The following OSBPL6 variants were observed in gnomAD, a reference collection of about 807,000 sequenced individuals.
OSBPL6 encodes oxysterol-binding protein-related protein 6.
In OSBPL6, 49 loss-of-function variants were observed where a neutral mutation model predicts 125.8. That is an observed-to-expected ratio of 0.39 (90% CI 0.31 to 0.49). The LOEUF is 0.49. Among genes scored for constraint, OSBPL6 ranks in the 20% least tolerant of loss-of-function variants. The pLI is 0.88. For synonymous variants in OSBPL6, 394 were observed against 391.8 expected, an observed-to-expected ratio of 1.01 and a Z score of -0.07; for missense variants, 986 against 1,135.4, an observed-to-expected ratio of 0.87 and a Z score of 1.89.
chr2:178,387,226 T>C, intron 20 of OSBPL6, 87 bp downstream of exon 20: 1 of 1,036,876 alleles, frequency 9.6e-7, no homozygotes, highest in African/African-American at 1.6e-5. Flanking sequence ...ATGGTAAGGG[T>C]TTCTTTCTCT....
intron 1 of OSBPL6, among the ~76,000 whole-genome samples, chr2:178,238,483 G>T (rs1045108884): frequency 6.6e-6 from 1 of 152,090 alleles, no homozygotes; most frequent in African/African-American, 2.4e-5. Context: ...AAGCCATAAA[G>T]TACCTCTTTT....
Position 178,333,124 on chromosome 2 carries a change from T to G in OSBPL6, c.657+83T>G, listed in dbSNP as rs1046282536. 2.0e-6 allele frequency: 3 copies of G among 1,476,294 alleles called. No individual in the cohort carries two copies. The African/African-American group carries it at 4.2e-5, about 21-fold the overall frequency. The allele number at this position is 1,476,294 out of a possible 1,614,324, so 91.4% of individuals were successfully genotyped here. ...TTGGCCAGGCACTGTGGCTCACGTG[T>G]GTAATCCCAGCACTTTGGGAGGCCA... On this transcript the variant is annotated intron_variant, in intron 8 of 24. Transcript: ENST00000190611.
chr2:178,329,396 ATTATTT>A (rs1263121449), intron 5 of OSBPL6, among the ~76,000 whole-genome samples: 1 of 150,704 alleles, frequency 6.6e-6, no homozygotes, highest in Non-Finnish European at 1.5e-5. Context: ...AGTTTAAACT[ATTATTT>A]TTATTTATTT....
intron 1 of OSBPL6, among the ~76,000 whole-genome samples, chr2:178,249,289 G>A (rs1415795836): frequency 6.6e-6 from 1 of 152,128 alleles, no homozygotes. Flanking sequence ...CTAGATTGTG[G>A]CCTACTTTTT....
intron 1 of OSBPL6, among the ~76,000 whole-genome samples, chr2:178,201,471 C>T (rs1031261466): frequency 3.3e-5 from 5 of 152,224 alleles, no homozygotes; most frequent in African/African-American, 1.2e-4. Context: ...TGGTGCACTA[C>T]AGCCTCCAGC....
At chr2:178,382,898 T>TTC in intron 16 of OSBPL6, 126 bp from the exon 17 acceptor site, 1 of 1,452,574 alleles carries the variant, frequency 6.9e-7, no homozygotes, top group Admixed American at 2.4e-5. Context: ...CCATTTACTT[T>TTC]TGAAAAGATA....
intron 2 of OSBPL6, among the ~76,000 whole-genome samples, chr2:178,301,025 A>T (rs334615): frequency 0.97 from 147,291 of 152,146 alleles, 71,339 homozygotes; most frequent in Non-Finnish European, 0.98. Flanking sequence ...TTATTAGTTA[A>T]AACATTAAAT....
At chr2:178,377,889 T>G (rs1445845800) in intron 15 of OSBPL6, among the ~76,000 whole-genome samples, 2 of 152,168 alleles carry the variant, frequency 1.3e-5, no homozygotes, top group Non-Finnish European at 2.9e-5. Context: ...AGTGCAGTGG[T>G]GCAATCTTGC....
At chr2:178,292,474 C>G (rs1685373756) in intron 2 of OSBPL6, among the ~76,000 whole-genome samples, 1 of 152,148 alleles carries the variant, frequency 6.6e-6, no homozygotes, top group African/African-American at 2.4e-5. Flanking sequence ...GAAAAACACA[C>G]ACGCTCCCCA....
intron 6 of OSBPL6, 49 bp downstream of exon 6, chr2:178,331,654 T>C: frequency 6.4e-7 from 1 of 1,572,786 alleles, no homozygotes; most frequent in Non-Finnish European, 8.8e-7. Context: ...GAATTCTGCT[T>C]GAAGTGAGTA....
At chr2:178,229,930 G>A (rs1479280473) in intron 1 of OSBPL6, among the ~76,000 whole-genome samples, 1 of 152,238 alleles carries the variant, frequency 6.6e-6, no homozygotes, top group Non-Finnish European at 1.5e-5. Context: ...TCCTCCAGGT[G>A]ATTCTGATCT....
chr2:178,381,263 G>A (rs1393381391), intron 15 of OSBPL6, among the ~76,000 whole-genome samples: 1 of 152,014 alleles, frequency 6.6e-6, no homozygotes, highest in Non-Finnish European at 1.5e-5. Context: ...CTGCTAATTT[G>A]TGTTTCATTT....
intron 1 of OSBPL6, among the ~76,000 whole-genome samples, chr2:178,278,384 A>T (rs2092513519): frequency 6.6e-6 from 1 of 152,166 alleles, no homozygotes; most frequent in South Asian, 2.1e-4. Context: ...ACATTTCTAG[A>T]TCCTCTTTAG....
intron 2 of OSBPL6, among the ~76,000 whole-genome samples, chr2:178,303,699 C>T (rs956413840): frequency 1.3e-5 from 2 of 152,286 alleles, no homozygotes; most frequent in Non-Finnish European, 2.9e-5. Context: ...TCATGACTTT[C>T]CCATGGATCT....
chr2:178,267,991 G>A (rs948335498), intron 1 of OSBPL6, among the ~76,000 whole-genome samples: 10 of 152,120 alleles, frequency 6.6e-5, no homozygotes, highest in African/African-American at 2.4e-4. Flanking sequence ...GTAAATATTG[G>A]CATGAATGAA....
intron 15 of OSBPL6, among the ~76,000 whole-genome samples, chr2:178,380,520 A>AAG (rs1694374633): frequency 6.6e-6 from 1 of 152,002 alleles, no homozygotes; most frequent in African/African-American, 2.4e-5. Flanking sequence ...AATACTAAAA[A>AAG]AGATGGATAG....
chr2:178,389,156 A>G lies in OSBPL6; in HGVS notation c.2301+3A>G, dbSNP rs1429530779. Reference sequence around the variant, plus strand: ...TTTGCAAACTCACATTTGTCAAGGTAAATACTATCATACAACAGTAAAGGA... The same window carrying G: ...TTTGCAAACTCACATTTGTCAAGGTGAATACTATCATACAACAGTAAAGGA... On this transcript the variant is annotated splice_donor_region_variant and intron_variant, in intron 21 of 24. Coordinates refer to ENST00000190611, the MANE Select transcript of OSBPL6 (RefSeq NM_032523.4). 1.1e-5 allele frequency: 18 copies of G among 1,612,942 alleles called. No homozygotes were observed. Among genetic ancestry groups the G allele is most frequent in the Non-Finnish European group, 1.5e-5 (18 of 1,179,606 alleles).
At chr2:178,197,137 G>A (rs1289392458) in intron 1 of OSBPL6, among the ~76,000 whole-genome samples, 3 of 151,816 alleles carry the variant, frequency 2.0e-5, no homozygotes, top group Non-Finnish European at 4.4e-5. Flanking sequence ...AAAATTGCTG[G>A]TTTGTAGGTT....
At chr2:178,196,818 T>C (rs1047071460) in intron 1 of OSBPL6, among the ~76,000 whole-genome samples, 3 of 152,208 alleles carry the variant, frequency 2.0e-5, no homozygotes, top group Admixed American at 6.5e-5. Flanking sequence ...TAGGTCATAA[T>C]TATGATACTT....
Sources: allele counts gnomAD v4.1 joint callset (sites outside exome capture counted in the v4.1 genomes callset), GRCh38; gene constraint gnomAD v4.1.1; transcripts MANE v1.5; gene names NCBI Gene and HGNC (gene_info 2026-07-23, HGNC 2026-07-21).